The following NR1D2 variants were observed in gnomAD, a reference collection of about 807,000 sequenced individuals.
The protein encoded by NR1D2 is V-erbA-related protein 1-related.
A neutral mutation model predicts 52.2 loss-of-function variants in NR1D2; 25 were observed. That is an observed-to-expected ratio of 0.48 (90% confidence interval 0.35 to 0.67). The LOEUF is 0.67. Among genes scored for constraint, NR1D2 ranks in the 30% least tolerant of loss-of-function variants. The probability of loss-of-function intolerance (pLI) is 0.01; values close to 1 mark genes in which losing one functional copy is unlikely to be tolerated. For synonymous variants in NR1D2, 259 were observed against 230.1 expected, an observed-to-expected ratio of 1.13 and a Z score of -1.14; for missense variants, 681 against 707.2, an observed-to-expected ratio of 0.96 and a Z score of 0.42.
At chr3:23,966,686 G>C (rs1474308723) in intron 6 of NR1D2, among the ~76,000 whole-genome samples, 1 of 152,190 alleles carries the variant, frequency 6.6e-6, no homozygotes, top group East Asian at 1.9e-4. Flanking sequence ...AATTTCTTTT[G>C]ATGTTCTTCT....
rs966364852 is a variant in NR1D2, at chr3:23,975,116, G to T, written c.1544-2107G>T. On this transcript the variant is annotated intron_variant, in intron 7 of 7. Coordinates refer to ENST00000312521, the MANE Select transcript of NR1D2 (RefSeq NM_005126.5). Reference sequence around the variant, plus strand: ...TTACAGGAATGAGCCACCACGTCCTGCCCAACATTCTTTTTATTTTTTGAG... The same window carrying T: ...TTACAGGAATGAGCCACCACGTCCTTCCCAACATTCTTTTTATTTTTTGAG... Among the ~76,000 whole-genome samples the T allele has an allele frequency of 2.0e-5, 3 of 151,528 alleles. No individual in the cohort carries two copies. The South Asian group carries it at 6.3e-4, about 32-fold the overall frequency.
rs557691118 is a variant in NR1D2 at position 23,979,568 on chromosome 3, C to A, written c.*2149C>A. 7 of 152,082 alleles carry A rather than the reference C, an allele frequency of 4.6e-5. No homozygotes were observed. In the South Asian group the frequency reaches 1.5e-3, roughly 32 times the overall value. The allele number at this position is 152,082 out of a possible 1,614,324, so 9.4% of individuals were successfully genotyped here. On this transcript the variant is annotated 3_prime_UTR_variant, in exon 8 of 8. Coordinates refer to ENST00000312521, the MANE Select transcript of NR1D2 (RefSeq NM_005126.5). ...GTTCAATATATACATATATACATCT[C>A]TATATAGGTATATAGATTTGCATTT...
At chr3:23,955,180 T>C (rs748586159) in intron 2 of NR1D2, among the ~76,000 whole-genome samples, 5 of 152,176 alleles carry the variant, frequency 3.3e-5, no homozygotes, top group African/African-American at 4.8e-5. Flanking sequence ...TTTGGGAATA[T>C]TTGGGATGAG....
chr3:23,975,706 C>T (rs767877571), intron 7 of NR1D2, among the ~76,000 whole-genome samples: 26 of 152,078 alleles, frequency 1.7e-4, no homozygotes, highest in Admixed American at 8.5e-4. Flanking sequence ...TGTAGTGAGC[C>T]GAGATCGCAC....
At chr3:23,947,091 C>T (rs1158263927) in intron 1 of NR1D2, among the ~76,000 whole-genome samples, 2 of 152,096 alleles carry the variant, frequency 1.3e-5, no homozygotes, top group East Asian at 3.8e-4. Context: ...ACCTAATCGG[C>T]CTACTTAGCC....
At chr3:23,961,426 T>G (rs1243752842) in intron 4 of NR1D2, among the ~76,000 whole-genome samples, 1 of 146,468 alleles carries the variant, frequency 6.8e-6, no homozygotes, top group Non-Finnish European at 1.5e-5. Context: ...GATGGAGTAT[T>G]GCTCTGTCAC....
chr3:23,945,291 C>G lies in NR1D2; in HGVS notation c.-288C>G, dbSNP rs1038493738. On this transcript the variant is annotated 5_prime_UTR_variant, in exon 1 of 8. Transcript: ENST00000312521. Reference sequence around the variant, plus strand: ...TGGTCGCGGCTGCCCTCCCCGTCAGCCGCCCTCGCCGCCGCGGTGCGCTGG... The same window carrying G: ...TGGTCGCGGCTGCCCTCCCCGTCAGGCGCCCTCGCCGCCGCGGTGCGCTGG... 3.9e-5 allele frequency: 6 copies of G among 155,316 alleles called. No individual in the cohort carries two copies. Among genetic ancestry groups the G allele is most frequent in the African/African-American group, 1.4e-4 (6 of 41,400 alleles). The allele number at this position is 155,316 out of a possible 1,614,324, so 9.6% of individuals were successfully genotyped here.
chr3:23,971,303 ATT>A (rs11457044), intron 7 of NR1D2, among the ~76,000 whole-genome samples: 1 of 123,118 alleles, frequency 8.1e-6, no homozygotes, highest in African/African-American at 3.2e-5. Flanking sequence ...CTCTATACCT[ATT>A]TTTTTTTTTT....
intron 1 of NR1D2, 25 bp downstream of exon 1, chr3:23,945,619 G>C: frequency 8.5e-7 from 1 of 1,176,372 alleles, no homozygotes; most frequent in Middle Eastern, 3.3e-4. Flanking sequence ...GCGGCGGGTG[G>C]GGGATGGCCG....
intron 1 of NR1D2, among the ~76,000 whole-genome samples, chr3:23,948,994 T>A (rs565491664): frequency 6.6e-6 from 1 of 152,310 alleles, no homozygotes; most frequent in South Asian, 2.1e-4. Flanking sequence ...CTGGCTTATT[T>A]CCAGACATTA....
intron 3 of NR1D2, among the ~76,000 whole-genome samples, chr3:23,958,592 A>ATT (rs976206579): frequency 6.4e-5 from 9 of 141,190 alleles, no homozygotes; most frequent in Non-Finnish European, 1.1e-4. Context: ...GTGAGCTATT[A>ATT]TTACGTCATT....
rs1388029936 is a variant in NR1D2 at position 23,945,501 on chromosome 3, C to CGCGGCGCTGAGGCGGCGGCG, written c.-68_-49dup. On this transcript the variant is annotated 5_prime_UTR_variant, in exon 1 of 8. Transcript: ENST00000312521. ...CACCGCTGCTTCCAGCCCGGGGCGG[C>CGCGGCGCTGAGGCGGCGGCG]GCGGCGCTGAGGCGGCGGCGGCGGC... 7.7e-6 allele frequency: 7 copies of CGCGGCGCTGAGGCGGCGGCG among 914,110 alleles called. No homozygotes were observed. The highest frequency in any genetic ancestry group is 1.9e-5 in the African/African-American group (1 of 52,560). The allele number at this position is 914,110 out of a possible 1,614,324, so 56.6% of individuals were successfully genotyped here.
intron 7 of NR1D2, among the ~76,000 whole-genome samples, chr3:23,969,361 A>G (rs1182241744): frequency 1.3e-5 from 2 of 152,202 alleles, no homozygotes; most frequent in Non-Finnish European, 2.9e-5. Context: ...CCTCAGTGGA[A>G]TAAAGACTTG....
At position 23,945,289 on chromosome 3, in the gene NR1D2, AGCCGCCCTC is replaced by A. The variant is rs1705614616; in HGVS notation, c.-283_-275del. On this transcript the variant is annotated 5_prime_UTR_variant, in exon 1 of 8. Transcript: ENST00000312521. ...CATGGTCGCGGCTGCCCTCCCCGTC[AGCCGCCCTC>A]GCCGCCGCGGTGCGCTGGCTGCAGG... 1 of 154,826 alleles carries A rather than the reference AGCCGCCCTC, an allele frequency of 6.5e-6. No individual in the cohort carries two copies. The highest frequency in any genetic ancestry group is 2.4e-5 in the African/African-American group (1 of 41,294). 9.6% of individuals were successfully genotyped at this position (154,826 alleles called of 1,614,324 possible).
At position 23,977,668 on chromosome 3, in the gene NR1D2, T is replaced by G. The variant is rs1706769733; in HGVS notation, c.*249T>G. On this transcript the variant is annotated 3_prime_UTR_variant, in exon 8 of 8. Coordinates refer to ENST00000312521, the MANE Select transcript of NR1D2 (RefSeq NM_005126.5). ...TTAAACTGGAGAAGTTACACTGAAGTATAATCACACTGAATGTTAGACTTT... is the reference window on the plus strand; with the variant it reads ...TTAAACTGGAGAAGTTACACTGAAGGATAATCACACTGAATGTTAGACTTT... 1 of 312,750 alleles carries G rather than the reference T, an allele frequency of 3.2e-6. No individual in the cohort carries two copies. Among genetic ancestry groups the G allele is most frequent in the South Asian group, 1.4e-4 (1 of 7,376 alleles). 19.4% of individuals were successfully genotyped at this position (312,750 alleles called of 1,614,324 possible).
chr3:23,951,101 C>T (rs1260996983), intron 1 of NR1D2, among the ~76,000 whole-genome samples: 1 of 152,036 alleles, frequency 6.6e-6, no homozygotes, highest in Non-Finnish European at 1.5e-5. Flanking sequence ...GATGGGGTTT[C>T]TCCATGTTGG....
chr3:23,975,500 A>T (rs1365194623), intron 7 of NR1D2, among the ~76,000 whole-genome samples: 1 of 152,106 alleles, frequency 6.6e-6, no homozygotes, highest in African/African-American at 2.4e-5. Context: ...GGCCAGGTGC[A>T]GTGGCTTATG....
chr3:23,952,725 C>CAAA (rs35053426), intron 1 of NR1D2, among the ~76,000 whole-genome samples: 6 of 118,520 alleles, frequency 5.1e-5, no homozygotes, highest in African/African-American at 1.8e-4. Flanking sequence ...GACTCCATCT[C>CAAA]AAAAAAAAAA....
intron 1 of NR1D2, among the ~76,000 whole-genome samples, chr3:23,954,112 C>T (rs1706018771): frequency 6.6e-6 from 1 of 152,300 alleles, no homozygotes; most frequent in African/African-American, 2.4e-5. Flanking sequence ...GTGATCCTCT[C>T]GCTTTAGCCT....
Sources: allele counts gnomAD v4.1 joint callset (sites outside exome capture counted in the v4.1 genomes callset), GRCh38; gene constraint gnomAD v4.1.1; transcripts MANE v1.5; gene names NCBI Gene and HGNC (gene_info 2026-07-23, HGNC 2026-07-21).